SETX: variants seen among roughly 807,000 people sequenced by gnomAD.
SETX encodes the protein senataxin.
SETX carries 90 observed loss-of-function variants against 227.2 expected under a neutral mutation model. The observed-to-expected ratio is 0.40, with a 90% confidence interval of 0.33 to 0.47. The LOEUF (loss-of-function observed/expected upper bound fraction) is 0.47, where lower values mean the gene tolerates loss of function less well. SETX is among the 20% of genes least tolerant of loss of function. The pLI is 0.91. For missense variants in SETX, 3,052 were observed against 3,181.5 expected, an observed-to-expected ratio of 0.96 and a Z score of 0.98; for synonymous variants, 1,210 against 1,113.2, an observed-to-expected ratio of 1.09 and a Z score of -1.73.
In SETX at chr9:132,277,768, G is replaced by A. The variant is rs13285992; in HGVS notation, c.6842+302C>T. 0.18 allele frequency among the ~76,000 whole-genome samples: 22,950 copies of A among 125,944 alleles called. 1,928 individuals are homozygous for A. The highest frequency in any genetic ancestry group is 0.32 in the East Asian group (1,304 of 4,060). 82.6% of individuals were successfully genotyped at this position (125,944 alleles called of 152,430 possible). A position where few individuals can be genotyped will look rare whatever the true frequency, so the allele number is the denominator to read the frequency against. On this transcript the variant is annotated intron_variant, in intron 21 of 25. Transcript: ENST00000224140. ...GCCACTGCACTCATCCTGTGTGAGT[G>A]ACAGAATGAGACCCTGTCTTCAAAA...
chr9:132,320,941 G>C (rs928452190), intron 10 of SETX, among the ~76,000 whole-genome samples: 1 of 152,224 alleles, frequency 6.6e-6, no homozygotes, highest in African/African-American at 2.4e-5. Context: ...GCTCTCTCTA[G>C]AAGGATGGCT....
chr9:132,291,159 C>CTTTTTTTTTTTTT (rs139976052), intron 15 of SETX, among the ~76,000 whole-genome samples: 1 of 83,814 alleles, frequency 1.2e-5, no homozygotes, highest in Non-Finnish European at 2.1e-5. Flanking sequence ...GTTTGAAAAC[C>CTTTTTTTTTTTTT]TTTTTTTTTT....
At position 132,264,751 on chromosome 9, in the gene SETX, G is replaced by T. The variant is rs763798232; in HGVS notation, c.7522C>A (p.Leu2508Ile). The change falls in exon 26 of 26, where the codon CTA becomes ATA. Residue 2508 changes from leucine to isoleucine, a missense_variant. This residue lies in a region of SETX where 294 missense variants were observed against 278.8 expected (regional missense o/e 1.05). Coordinates refer to ENST00000224140, the MANE Select transcript of SETX (RefSeq NM_015046.7). ...TTGGAGTCAGAGGGTGTGTGGTATAGAGAAGCAGCAACAGATGTCTTGGCA... is the reference window on the plus strand; with the variant it reads ...TTGGAGTCAGAGGGTGTGTGGTATATAGAAGCAGCAACAGATGTCTTGGCA... ...GFAKTSVAAS[L>I]YHTPSDSKEI... 1 of 1,614,180 alleles carries T rather than the reference G, an allele frequency of 6.2e-7. No individual in the cohort carries two copies. The highest frequency in any genetic ancestry group is 1.3e-5 in the African/African-American group (1 of 75,038).
chr9:132,346,504 T>C (rs750264402), intron 3 of SETX, 33 bp from the exon 4 acceptor site: 2 of 1,458,308 alleles, frequency 1.4e-6, no homozygotes, highest in Admixed American at 1.8e-5. Context: ...GTGTGCGTTA[T>C]GTCTTATCAT....
chr9:132,332,886 A>G (rs1042773531), intron 7 of SETX, among the ~76,000 whole-genome samples: 6 of 35,070 alleles, frequency 1.7e-4, no homozygotes, highest in Non-Finnish European at 4.6e-4. Context: ...GAGCCACTCC[A>G]GGGTGGGTGA....
At chr9:132,330,522 G>A in intron 9 of SETX, 23 bp from the exon 10 acceptor site, 1 of 1,597,032 alleles carries the variant, frequency 6.3e-7, no homozygotes. Flanking sequence ...AAATGCTGAT[G>A]TTCAGATAAA....
chr9:132,312,648 T>A (rs1303199208), intron 10 of SETX, among the ~76,000 whole-genome samples: 1 of 152,180 alleles, frequency 6.6e-6, no homozygotes, highest in Non-Finnish European at 1.5e-5. Flanking sequence ...GGTTATGCTA[T>A]GGACAGGGGA....
intron 17 of SETX, among the ~76,000 whole-genome samples, 198 bp from the exon 18 acceptor site, chr9:132,286,692 T>C (rs1399995564): frequency 6.6e-6 from 1 of 152,184 alleles, no homozygotes; most frequent in African/African-American, 2.4e-5. Context: ...TTCTGTGCGC[T>C]GCACGTGAGC....
intron 7 of SETX, among the ~76,000 whole-genome samples, chr9:132,332,991 T>C (rs2131478440): frequency 6.6e-6 from 1 of 151,762 alleles, no homozygotes; most frequent in East Asian, 1.9e-4. Flanking sequence ...AGGACAGAAT[T>C]ATACATGTAG....
chr9:132,272,485 AAGAG>A (rs56745764), intron 23 of SETX, among the ~76,000 whole-genome samples: 3,033 of 150,986 alleles, frequency 0.02, 39 homozygotes, highest in African/African-American at 0.032. Context: ...TAAAAAAAAA[AAGAG>A]AGAGAGAGAG....
At chr9:132,288,830 A>G (rs1844098719) in intron 15 of SETX, among the ~76,000 whole-genome samples, 179 bp from the exon 16 acceptor site, 1 of 152,216 alleles carries the variant, frequency 6.6e-6, no homozygotes, top group Non-Finnish European at 1.5e-5. Context: ...ATTATTTCAG[A>G]TATTGTTCCT....
chr9:132,284,156 C>T (rs886327800), intron 18 of SETX, among the ~76,000 whole-genome samples: 2 of 152,230 alleles, frequency 1.3e-5, no homozygotes, highest in Non-Finnish European at 2.9e-5. Context: ...TCCTCCACGG[C>T]TCACACAGTA....
chr9:132,295,413 T>C (rs1844610727), intron 15 of SETX, among the ~76,000 whole-genome samples: 1 of 152,218 alleles, frequency 6.6e-6, no homozygotes, highest in Admixed American at 6.5e-5. Context: ...CACCTAATGC[T>C]CTGGGAACCT....
At chr9:132,277,705 G>A (rs1843238760) in intron 21 of SETX, among the ~76,000 whole-genome samples, 1 of 150,018 alleles carries the variant, frequency 6.7e-6, no homozygotes, top group South Asian at 2.1e-4. Context: ...GATTGATTGA[G>A]CCTGGGAGGT....
intron 5 of SETX, 145 bp from the exon 6 acceptor site, chr9:132,336,660 C>T: frequency 2.9e-6 from 2 of 691,838 alleles, no homozygotes; most frequent in Non-Finnish European, 5.1e-6. Flanking sequence ...TTATTTGATC[C>T]TGATTTGAAC....
intron 3 of SETX, among the ~76,000 whole-genome samples, chr9:132,348,266 G>A (rs1848405342): frequency 6.6e-6 from 1 of 150,654 alleles, no homozygotes; most frequent in African/African-American, 2.4e-5. Flanking sequence ...GGCTGAGGCA[G>A]GAGAATCGCT....
chr9:132,277,214 G>A, intron 21 of SETX, 62 bp from the exon 22 acceptor site: 1 of 1,463,262 alleles, frequency 6.8e-7, no homozygotes, highest in Non-Finnish European at 9.4e-7. Context: ...AAATATCTTG[G>A]TATTACTACA....
chr9:132,316,902 T>A (rs1846003309), intron 10 of SETX, among the ~76,000 whole-genome samples: 1 of 152,210 alleles, frequency 6.6e-6, no homozygotes, highest in Admixed American at 6.5e-5. Flanking sequence ...CTTTTCAAAG[T>A]GACTTTATTA....
In SETX at chr9:132,329,374, CTAT is replaced by C; in HGVS notation, c.2221_2223del (p.Ile741del). ...GAATCAGTCAACAAACGTGTTGATA[CTAT>C]TATTCCTCTGTCACATCCCCTTTCT... On this transcript the variant is annotated inframe_deletion, in exon 10 of 26. Coordinates refer to ENST00000224140, the MANE Select transcript of SETX (RefSeq NM_015046.7). 2 of 1,613,964 alleles carry C rather than the reference CTAT, an allele frequency of 1.2e-6. No individual in the cohort carries two copies. Among genetic ancestry groups the C allele is most frequent in the Non-Finnish European group, 1.7e-6 (2 of 1,179,982 alleles).
Sources: allele counts gnomAD v4.1 joint callset (sites outside exome capture counted in the v4.1 genomes callset), GRCh38; gene constraint gnomAD v4.1.1; regional missense constraint gnomAD v4.1.1; transcripts MANE v1.5; gene names NCBI Gene and HGNC (gene_info 2026-07-23, HGNC 2026-07-21).